The following MARK1 variants were observed in gnomAD, a reference collection of about 807,000 sequenced individuals.
The protein encoded by MARK1 is microtubule affinity regulating kinase 1.
A neutral mutation model predicts 96.3 loss-of-function variants in MARK1; 40 were observed. The observed-to-expected ratio is 0.42, with a 90% confidence interval of 0.32 to 0.54. The LOEUF is 0.54. Among genes scored for constraint, MARK1 ranks in the 20% least tolerant of loss-of-function variants. MARK1 has a pLI of 0.16. For missense variants in MARK1, 719 were observed against 984.6 expected (o/e 0.73, Z 3.61); for synonymous variants, 317 against 341.2 (o/e 0.93, Z 0.78).
At chr1:220,578,147 C>T (rs1386078609) in intron 1 of MARK1, among the ~76,000 whole-genome samples, 1 of 152,152 alleles carries the variant, frequency 6.6e-6, no homozygotes, top group East Asian at 1.9e-4. Flanking sequence ...AAAATATATC[C>T]TTTCCTTTGT....
Position 220,657,805 on chromosome 1 carries a change from C to A in MARK1, c.2004C>A (p.Gly668=). Residue 668 remains glycine, a synonymous_variant, in exon 17 of 18, where the codon GGC becomes GGA. Coordinates refer to ENST00000366917, the MANE Select transcript of MARK1 (RefSeq NM_018650.5). The stretch of plus-strand genomic sequence containing the variant: ...TTGTTTTGAGGGATCCAAGTGAAGG[C>A]GAAGCCAGTGGCAGAACCGACACCT... ...SKFVRRDPSE[G]EASGRTDTSR... is the part of the protein sequence containing the mutation. 2 of 1,575,248 alleles carry A rather than the reference C, an allele frequency of 1.3e-6. No homozygotes were observed. The highest frequency in any genetic ancestry group is 2.4e-5 in the South Asian group (2 of 82,748).
chr1:220,534,351 A>T (rs1439246787), intron 1 of MARK1, among the ~76,000 whole-genome samples: 1 of 152,108 alleles, frequency 6.6e-6, no homozygotes, highest in Non-Finnish European at 1.5e-5. Flanking sequence ...TTAGTTAACT[A>T]TAGTCACCTC....
intron 13 of MARK1, among the ~76,000 whole-genome samples, chr1:220,647,715 A>G (rs1240388196): frequency 6.6e-6 from 1 of 152,208 alleles, no homozygotes; most frequent in Admixed American, 6.5e-5. Context: ...ATGCAGCCAT[A>G]AAAAGGAATG....
intron 13 of MARK1, among the ~76,000 whole-genome samples, chr1:220,643,071 T>C (rs1668370907): frequency 1.3e-5 from 2 of 152,046 alleles, no homozygotes; most frequent in Non-Finnish European, 2.9e-5. Flanking sequence ...GCAACACCTC[T>C]CCAGCAAGGG....
At chr1:220,635,018 C>A (rs1332865778) in intron 11 of MARK1, among the ~76,000 whole-genome samples, 1 of 152,070 alleles carries the variant, frequency 6.6e-6, no homozygotes, top group East Asian at 1.9e-4. Flanking sequence ...GTTAATACAT[C>A]ATAGGTTTGT....
At chr1:220,599,973 T>C in intron 5 of MARK1, 110 bp downstream of exon 5, 1 of 593,854 alleles carries the variant, frequency 1.7e-6, no homozygotes, top group Non-Finnish European at 2.8e-6. Context: ...ATCTATTGTT[T>C]TATCTAAATG....
chr1:220,629,852 A>G (rs547201043), intron 9 of MARK1, among the ~76,000 whole-genome samples: 44 of 152,292 alleles, frequency 2.9e-4, no homozygotes, highest in Non-Finnish European at 6.2e-4. Context: ...TCATTTGTCA[A>G]TGGACATTTA....
intron 1 of MARK1, among the ~76,000 whole-genome samples, chr1:220,545,439 G>GTTTTTTTTTTTTTTTTTTTT (rs35422682): frequency 1.1e-5 from 1 of 87,260 alleles, no homozygotes; most frequent in Non-Finnish European, 2.1e-5. Flanking sequence ...CTTTCTCATG[G>GTTTTTTTTTTTTTTTTTTTT]TTTTTTTTTT....
chr1:220,631,339 T>C (rs1021867675), intron 10 of MARK1, among the ~76,000 whole-genome samples: 37 of 152,224 alleles, frequency 2.4e-4, no homozygotes, highest in African/African-American at 8.7e-4. Flanking sequence ...TCTAATTCAA[T>C]GTTTGACAAC....
intron 1 of MARK1, among the ~76,000 whole-genome samples, chr1:220,552,408 GT>G (rs1262219596): frequency 6.6e-6 from 1 of 152,156 alleles, no homozygotes; most frequent in Non-Finnish European, 1.5e-5. Flanking sequence ...CAAATTTGGA[GT>G]ACATATTGCA....
At chr1:220,536,909 T>A (rs1660732470) in intron 1 of MARK1, among the ~76,000 whole-genome samples, 1 of 152,066 alleles carries the variant, frequency 6.6e-6, no homozygotes, top group Non-Finnish European at 1.5e-5. Context: ...ATATTGAAGG[T>A]TTTTCCATTT....
chr1:220,540,788 T>G (rs1661086402), intron 1 of MARK1, among the ~76,000 whole-genome samples: 1 of 152,118 alleles, frequency 6.6e-6, no homozygotes, highest in Non-Finnish European at 1.5e-5. Context: ...CTTTTGTTGA[T>G]TTTTTTCTGT....
At chr1:220,540,157 T>A (rs1661032717) in intron 1 of MARK1, among the ~76,000 whole-genome samples, 1 of 152,148 alleles carries the variant, frequency 6.6e-6, no homozygotes, top group Non-Finnish European at 1.5e-5. Flanking sequence ...TATAGATATA[T>A]GAGAAGATTT....
chr1:220,566,265 C>G (rs553355732), intron 1 of MARK1, among the ~76,000 whole-genome samples: 5 of 152,076 alleles, frequency 3.3e-5, no homozygotes, highest in African/African-American at 1.2e-4. Flanking sequence ...GTGTTCTGCT[C>G]GTAGTAGAAG....
intron 6 of MARK1, among the ~76,000 whole-genome samples, chr1:220,615,060 G>A (rs1295377077): frequency 6.6e-6 from 1 of 152,114 alleles, no homozygotes; most frequent in Non-Finnish European, 1.5e-5. Context: ...ACATTAAAAT[G>A]ACTGTCCTTC....
intron 16 of MARK1, 94 bp downstream of exon 16, chr1:220,653,446 TG>T: frequency 5.2e-6 from 7 of 1,338,808 alleles, no homozygotes; most frequent in Non-Finnish European, 6.0e-6. Flanking sequence ...TTTTCTAAAA[TG>T]GTTTCATAAC....
chr1:220,605,481 A>ATTTATTTTAT lies in MARK1; in HGVS notation c.495+1368_495+1377dup, dbSNP rs368555141. Reference sequence around the variant, plus strand: ...ACACACATCATTTTTTTAAATTTTTATTTATTTTATTTTATTTTATTTTAT... The same window carrying ATTTATTTTAT: ...ACACACATCATTTTTTTAAATTTTTATTTATTTTATTTTATTTTATTTTATTTTATTTTAT... On this transcript the variant is annotated intron_variant, in intron 6 of 17. Coordinates refer to ENST00000366917, the MANE Select transcript of MARK1 (RefSeq NM_018650.5). Among the ~76,000 whole-genome samples, 22 of 151,316 alleles carry ATTTATTTTAT rather than the reference A, an allele frequency of 1.5e-4. No individual in the cohort carries two copies. In the East Asian group the frequency reaches 2.7e-3, roughly 19 times the overall value.
intron 9 of MARK1, among the ~76,000 whole-genome samples, chr1:220,623,520 T>C (rs1264906504): frequency 6.6e-6 from 1 of 152,200 alleles, no homozygotes; most frequent in Non-Finnish European, 1.5e-5. Context: ...AATACAACTG[T>C]TGTTGTGAGA....
At chr1:220,576,268 A>G (rs1207761257) in intron 1 of MARK1, among the ~76,000 whole-genome samples, 2 of 151,812 alleles carry the variant, frequency 1.3e-5, no homozygotes. Flanking sequence ...CTTAACTGGC[A>G]GTGACTCTGC....
Sources: allele counts gnomAD v4.1 joint callset (sites outside exome capture counted in the v4.1 genomes callset), GRCh38; gene constraint gnomAD v4.1.1; transcripts MANE v1.5; gene names NCBI Gene and HGNC (gene_info 2026-07-23, HGNC 2026-07-21).